STARD3NL: variants seen among roughly 807,000 people sequenced by gnomAD.
STARD3NL encodes STARD3 N-terminal like, also known as STARD3 N-terminal-like protein.
Under a neutral mutation model 30.9 loss-of-function variants are expected in STARD3NL, and 17 were observed. The ratio of observed to expected loss-of-function variants is 0.55; its 90% confidence interval spans 0.38 to 0.82. STARD3NL has a LOEUF of 0.82. Ranked by LOEUF, STARD3NL falls within the 40% of genes least tolerant of loss-of-function variation. The pLI is 0.00. For missense variants in STARD3NL, 234 were observed against 277.6 expected (o/e 0.84, Z 1.12); for synonymous variants, 112 against 100.5 (o/e 1.11, Z -0.69).
intron 1 of STARD3NL, among the ~76,000 whole-genome samples, chr7:38,193,281 T>TG (rs1784765832): frequency 3.7e-5 from 5 of 134,134 alleles, no homozygotes; most frequent in South Asian, 2.5e-4. Flanking sequence ...AGGATTAGTT[T>TG]TTTGTTGTTG....
intron 1 of STARD3NL, among the ~76,000 whole-genome samples, chr7:38,202,666 T>C (rs1282300515): frequency 6.6e-6 from 1 of 151,954 alleles, no homozygotes; most frequent in Non-Finnish European, 1.5e-5. Flanking sequence ...GTTGGTGTGC[T>C]GCACCCATTA....
chr7:38,218,154 C>T (rs1562622070), intron 6 of STARD3NL, among the ~76,000 whole-genome samples: 2 of 152,182 alleles, frequency 1.3e-5, no homozygotes, highest in African/African-American at 4.8e-5. Flanking sequence ...TTCAGACACC[C>T]ATGCAGTTTC....
chr7:38,214,834 T>A (rs553882420), intron 3 of STARD3NL, among the ~76,000 whole-genome samples, 194 bp from the exon 4 acceptor site: 66 of 152,260 alleles, frequency 4.3e-4, no homozygotes, highest in African/African-American at 1.5e-3. Flanking sequence ...AATGGGAGAT[T>A]AATGTGAGAC....
chr7:38,200,871 C>T (rs1785143292), intron 1 of STARD3NL, among the ~76,000 whole-genome samples: 1 of 152,148 alleles, frequency 6.6e-6, no homozygotes. Context: ...GTTAGTTTCA[C>T]CAGCAGTAAG....
intron 1 of STARD3NL, among the ~76,000 whole-genome samples, chr7:38,197,761 AC>A (rs1383367476): frequency 6.6e-6 from 1 of 152,102 alleles, no homozygotes; most frequent in African/African-American, 2.4e-5. Context: ...CTTCCTTCCC[AC>A]ATCTCTCTTC....
At chr7:38,179,027 A>G (rs1784139112) in intron 1 of STARD3NL, 1 of 152,216 alleles carries the variant, frequency 6.6e-6, no homozygotes, top group Non-Finnish European at 1.5e-5. Context: ...TTTTAGTTCA[A>G]ACATGGGTGG....
chr7:38,219,284 C>T (rs960194460), intron 6 of STARD3NL, among the ~76,000 whole-genome samples: 6 of 152,200 alleles, frequency 3.9e-5, no homozygotes, highest in African/African-American at 7.2e-5. Flanking sequence ...TGGGCTCAAG[C>T]GATCCTCCAT....
At chr7:38,188,585 T>C (rs921987828) in intron 1 of STARD3NL, among the ~76,000 whole-genome samples, 2 of 152,216 alleles carry the variant, frequency 1.3e-5, no homozygotes, top group African/African-American at 2.4e-5. Flanking sequence ...TCAAACATAT[T>C]TGTGGAGTGA....
At chr7:38,200,630 G>A (rs1171572652) in intron 1 of STARD3NL, among the ~76,000 whole-genome samples, 1 of 152,146 alleles carries the variant, frequency 6.6e-6, no homozygotes, top group African/African-American at 2.4e-5. Context: ...TAAATTAGCT[G>A]ATATTTCCTT....
At chr7:38,197,680 C>T (rs1390890506) in intron 1 of STARD3NL, among the ~76,000 whole-genome samples, 2 of 152,138 alleles carry the variant, frequency 1.3e-5, no homozygotes, top group Admixed American at 6.5e-5. Flanking sequence ...CATAATGTTC[C>T]TCATGTCACA....
chr7:38,215,043 C>T lies in STARD3NL; in HGVS notation c.319C>T (p.Arg107Ter), dbSNP rs267601506. 3.1e-6 allele frequency: 5 copies of T among 1,613,746 alleles called. No individual in the cohort carries two copies. The highest frequency in any genetic ancestry group is 1.7e-5 in the Admixed American group (1 of 59,956). ...TTACTTTCAGCTTCTGGCAGTTTTTCGATTTAAAGTGTTAATACTTGCATA... is the reference window on the plus strand; with the variant it reads ...TTACTTTCAGCTTCTGGCAGTTTTTTGATTTAAAGTGTTAATACTTGCATA... ...YFDIFLLAVF[R>*]FKVLILAYAV... is the part of the protein sequence containing the mutation. The change falls in exon 4 of 9, where the codon CGA becomes TGA. Residue 107 changes from arginine to a stop codon, truncating the protein, a stop_gained. Coordinates refer to ENST00000009041, the MANE Select transcript of STARD3NL (RefSeq NM_032016.4). LOFTEE classifies it high-confidence loss of function.
intron 1 of STARD3NL, among the ~76,000 whole-genome samples, chr7:38,202,794 A>G (rs189812369): frequency 0.013 from 1,782 of 141,986 alleles, 30 homozygotes; most frequent in African/African-American, 0.045. Context: ...TCATTGTTCA[A>G]TTCCCACCTA....
chr7:38,197,406 T>C (rs1383296011), intron 1 of STARD3NL, among the ~76,000 whole-genome samples: 2 of 151,916 alleles, frequency 1.3e-5, no homozygotes, highest in African/African-American at 4.8e-5. Flanking sequence ...TTAAATATTT[T>C]GAAGAGATGA....
chr7:38,203,487 A>G lies in STARD3NL; in HGVS notation c.-58-3960A>G, dbSNP rs188419352. 3.5e-3 allele frequency among the ~76,000 whole-genome samples: 535 copies of G among 152,342 alleles called. 2 individuals are homozygous for G. The highest frequency in any genetic ancestry group is 0.013 in the African/African-American group (522 of 41,582). The stretch of plus-strand genomic sequence containing the variant: ...AGAGCTCCTGAAGGAAGCACTAAAC[A>G]TGGAAAGGAACAACCGATACCAGCC... On this transcript the variant is annotated intron_variant, in intron 1 of 8. Coordinates refer to ENST00000009041, the MANE Select transcript of STARD3NL (RefSeq NM_032016.4).
At chr7:38,189,349 A>G (rs1410985560) in intron 1 of STARD3NL, among the ~76,000 whole-genome samples, 1 of 152,200 alleles carries the variant, frequency 6.6e-6, no homozygotes, top group African/African-American at 2.4e-5. Flanking sequence ...AAGTAAGGAG[A>G]GGAGCAGAAG....
intron 1 of STARD3NL, among the ~76,000 whole-genome samples, chr7:38,197,340 C>T (rs1221625417): frequency 6.6e-6 from 1 of 151,756 alleles, no homozygotes; most frequent in Non-Finnish European, 1.5e-5. Flanking sequence ...ATCCTCCTGC[C>T]TCAGCCTCCC....
intron 1 of STARD3NL, among the ~76,000 whole-genome samples, chr7:38,206,320 C>A (rs1361068064): frequency 2.0e-5 from 3 of 152,170 alleles, no homozygotes; most frequent in African/African-American, 7.2e-5. Flanking sequence ...GGCATATGAA[C>A]TTCTGCCCAC....
chr7:38,219,726 C>CCCTAT, intron 7 of STARD3NL, 66 bp downstream of exon 7: 1 of 1,338,376 alleles, frequency 7.5e-7, no homozygotes, highest in Non-Finnish European at 1.1e-6. Flanking sequence ...TCCTTCCTTT[C>CCCTAT]CCTACCCCCT....
At chr7:38,200,921 G>A (rs888583490) in intron 1 of STARD3NL, among the ~76,000 whole-genome samples, 3 of 152,164 alleles carry the variant, frequency 2.0e-5, no homozygotes, top group African/African-American at 7.2e-5. Flanking sequence ...TTCTGAGTTT[G>A]AATAGTATGT....
Sources: allele counts gnomAD v4.1 joint callset (sites outside exome capture counted in the v4.1 genomes callset), GRCh38; gene constraint gnomAD v4.1.1; transcripts MANE v1.5; gene names NCBI Gene and HGNC (gene_info 2026-07-23, HGNC 2026-07-21).